The following DCUN1D4 variants were observed in gnomAD, a reference collection of about 807,000 sequenced individuals.
DCUN1D4 encodes the protein defective in cullin neddylation 1 domain containing 4, also known as DCN1-like protein 4.
DCUN1D4 carries 22 observed loss-of-function variants against 47.9 expected under a neutral mutation model. The observed-to-expected ratio is 0.46, with a 90% CI of 0.33 to 0.66. The LOEUF (loss-of-function observed/expected upper bound fraction) is 0.66, where lower values mean the gene tolerates loss of function less well. DCUN1D4 is among the 30% of genes least tolerant of loss of function. The pLI, the probability that DCUN1D4 is intolerant of heterozygous loss-of-function variation, is 0.02. For synonymous variants in DCUN1D4, 121 were observed against 112.2 expected (o/e 1.08, Z -0.50); for missense variants, 301 against 340.8 (o/e 0.88, Z 0.92).
At chr4:51,874,694 A>G (rs1577935827) in intron 4 of DCUN1D4, 1 of 238,910 alleles carries the variant, frequency 4.2e-6, no homozygotes, top group Non-Finnish European at 8.2e-6. Context: ...TGAGGACCAC[A>G]GAATTGGTGT....
At chr4:51,849,533 G>C (rs1348945494) in intron 1 of DCUN1D4, among the ~76,000 whole-genome samples, 1 of 152,186 alleles carries the variant, frequency 6.6e-6, no homozygotes, top group Non-Finnish European at 1.5e-5. Context: ...CTTGTGAAGA[G>C]CAGTGATGTA....
chr4:51,888,172 TAGTA>T (rs1205224237), intron 6 of DCUN1D4, among the ~76,000 whole-genome samples: 2 of 152,064 alleles, frequency 1.3e-5, no homozygotes, highest in African/African-American at 4.8e-5. Context: ...TGGGGTACCG[TAGTA>T]AGTATATGAC....
intron 3 of DCUN1D4, among the ~76,000 whole-genome samples, chr4:51,873,764 C>T (rs1727254259): frequency 6.6e-6 from 1 of 152,194 alleles, no homozygotes; most frequent in African/African-American, 2.4e-5. Flanking sequence ...GGACATTTTG[C>T]TCAAGGTCAT....
intron 8 of DCUN1D4, chr4:51,909,281 C>T (rs997016197): frequency 2.6e-5 from 7 of 264,582 alleles, no homozygotes; most frequent in Non-Finnish European, 4.5e-5. Context: ...AGGGAAAACT[C>T]TTCCAGAGCG....
At chr4:51,890,341 T>G (rs1354405057) in intron 6 of DCUN1D4, among the ~76,000 whole-genome samples, 1 of 152,194 alleles carries the variant, frequency 6.6e-6, no homozygotes, top group African/African-American at 2.4e-5. Flanking sequence ...GGATGGTGTT[T>G]TAATGGTTTT....
chr4:51,843,452 G>C (rs918849156), intron 1 of DCUN1D4, 185 bp downstream of exon 1: 1 of 1,251,998 alleles, frequency 8.0e-7, no homozygotes, highest in Non-Finnish European at 1.0e-6. Flanking sequence ...TGGGGCGGGG[G>C]CGGGCGTGGG....
intron 1 of DCUN1D4, among the ~76,000 whole-genome samples, chr4:51,844,661 C>A (rs905222987): frequency 1.3e-5 from 2 of 151,504 alleles, no homozygotes; most frequent in Non-Finnish European, 3.0e-5. Context: ...AGGCCGCGCC[C>A]CACGCCCGGG....
upstream of DCUN1D4, among the ~76,000 whole-genome samples, chr4:51,842,445 T>C (rs1721754818): frequency 6.6e-6 from 1 of 152,236 alleles, no homozygotes. Context: ...ATGCGGACTC[T>C]GGAAAAGAAG....
Position 51,844,017 on chromosome 4 carries a change from A to G in DCUN1D4, c.25+750A>G, listed in dbSNP as rs1376835770. Reference sequence around the variant, plus strand: ...TGGTGGGAGTGGAAGATGTTGGGGTAAAGAGATGGGGCAGGTGTGGAAGGG... The same window carrying G: ...TGGTGGGAGTGGAAGATGTTGGGGTGAAGAGATGGGGCAGGTGTGGAAGGG... On this transcript the variant is annotated intron_variant, in intron 1 of 10. Coordinates refer to ENST00000334635, the MANE Select transcript of DCUN1D4 (RefSeq NM_001040402.3). 4.7e-5 allele frequency among the ~76,000 whole-genome samples: 7 copies of G among 149,660 alleles called. No homozygotes were observed. The East Asian group carries it at 1.4e-3, about 31-fold the overall frequency.
rs924916876 is a variant in DCUN1D4 at position 51,915,126 on chromosome 4, C to T, written c.*1542C>T. The T allele has an allele frequency of 6.6e-6, 1 of 152,532 alleles. No individual in the cohort carries two copies. Among genetic ancestry groups the T allele is most frequent in the African/African-American group, 2.4e-5 (1 of 41,440 alleles). The allele number at this position is 152,532 out of a possible 1,614,324, so 9.4% of individuals were successfully genotyped here. A position where few individuals can be genotyped will look rare whatever the true frequency, so the allele number is the denominator to read the frequency against. ...TAAATGGCATTAAGTGAATAAAGCA[C>T]ACAGACAGTGCTACTCTTGACCACT... On this transcript the variant is annotated 3_prime_UTR_variant, in exon 11 of 11. Transcript: ENST00000334635.
chr4:51,880,258 G>A (rs1728362973), intron 5 of DCUN1D4, among the ~76,000 whole-genome samples: 1 of 152,184 alleles, frequency 6.6e-6, no homozygotes, highest in African/African-American at 2.4e-5. Context: ...ATGAGTCTGT[G>A]GGAACAGGCT....
intron 6 of DCUN1D4, among the ~76,000 whole-genome samples, chr4:51,888,931 G>A (rs1729986331): frequency 6.6e-6 from 1 of 151,990 alleles, no homozygotes; most frequent in Non-Finnish European, 1.5e-5. Flanking sequence ...AAAACATGGT[G>A]AAACCCCATC....
At chr4:51,887,133 G>C (rs1181875387) in intron 6 of DCUN1D4, 1 of 451,656 alleles carries the variant, frequency 2.2e-6, no homozygotes, top group Non-Finnish European at 4.4e-6. Flanking sequence ...ATGGAGTCTC[G>C]CACTGTCGCC....
chr4:51,834,065 TC>T, the DCUN1D4 span, among the ~76,000 whole-genome samples: 4 of 141,624 alleles, frequency 2.8e-5, no homozygotes, highest in African/African-American at 5.6e-5. Context: ...TCTCTCTCTC[TC>T]TCTCTCTCTC....
chr4:51,916,448 C>G lies in DCUN1D4; in HGVS notation c.*2864C>G, dbSNP rs932835736. 1 of 152,500 alleles carries G rather than the reference C, an allele frequency of 6.6e-6. No homozygotes were observed. Among genetic ancestry groups the G allele is most frequent in the Non-Finnish European group, 1.5e-5 (1 of 67,986 alleles). The allele number at this position is 152,500 out of a possible 1,614,324, so 9.4% of individuals were successfully genotyped here. A position where few individuals can be genotyped will look rare whatever the true frequency, so the allele number is the denominator to read the frequency against. On this transcript the variant is annotated 3_prime_UTR_variant, in exon 11 of 11. Coordinates refer to ENST00000334635, the MANE Select transcript of DCUN1D4 (RefSeq NM_001040402.3). ...AAAGCTTTAAAAGTTAGTTTGTGCC[C>G]TTGGTTTTTATTCTTAAAACTGCTA...
chr4:51,838,904 G>A (rs1271829115), upstream of DCUN1D4, among the ~76,000 whole-genome samples: 1 of 152,054 alleles, frequency 6.6e-6, no homozygotes, highest in African/African-American at 2.4e-5. Flanking sequence ...GCAAAACCCC[G>A]TCTCTACTAA....
chr4:51,908,391 T>C (rs147097004), intron 8 of DCUN1D4, among the ~76,000 whole-genome samples: 130 of 152,276 alleles, frequency 8.5e-4, no homozygotes, highest in African/African-American at 2.8e-3. Flanking sequence ...ATGGGCCTTC[T>C]GGGGATGCTG....
chr4:51,871,556 G>C (rs574357506), intron 3 of DCUN1D4, among the ~76,000 whole-genome samples: 10 of 152,328 alleles, frequency 6.6e-5, no homozygotes, highest in African/African-American at 1.9e-4. Context: ...ACATGTGGAA[G>C]GGGAGGGGTT....
Position 51,859,638 on chromosome 4 carries a change from CAAAAAAAAAAAA to C in DCUN1D4, c.26-3783_26-3772del, listed in dbSNP as rs35981680. Among the ~76,000 whole-genome samples the C allele has an allele frequency of 1.3e-4, 5 of 39,494 alleles. No homozygotes were observed. In the East Asian group the frequency reaches 2.8e-3, roughly 22 times the overall value. The allele number at this position is 39,494 out of a possible 152,430, so 25.9% of individuals were successfully genotyped here. On this transcript the variant is annotated intron_variant, in intron 1 of 10. Transcript: ENST00000334635. ...CACAGCAAATGGTAGTTAAAACAAG[CAAAAAAAAAAAA>C]AAAAAAAAAAAAAAACCCAGACAAG...
Sources: allele counts gnomAD v4.1 joint callset (sites outside exome capture counted in the v4.1 genomes callset), GRCh38; gene constraint gnomAD v4.1.1; transcripts MANE v1.5; gene names NCBI Gene and HGNC (gene_info 2026-07-23, HGNC 2026-07-21).